Variants in EVC2 observed in about 807,000 individuals in gnomAD.
EVC2 encodes the protein limbin.
A neutral mutation model predicts 149.3 loss-of-function variants in EVC2; 148 were observed. That is an observed-to-expected ratio of 0.99 (90% CI 0.87 to 1.14). The LOEUF (loss-of-function observed/expected upper bound fraction) is 1.14, where lower values mean the gene tolerates loss of function less well. Ranked by LOEUF, EVC2 falls within the 50% of genes most tolerant of loss-of-function variation. EVC2 has a pLI of 0.00. For synonymous variants in EVC2, 776 were observed against 649.9 expected, an observed-to-expected ratio of 1.19 and a Z score of -2.95; for missense variants, 1,854 against 1,627.3, an observed-to-expected ratio of 1.14 and a Z score of -2.40.
chr4:5,664,955 G>A (rs1339868227), intron 8 of EVC2, among the ~76,000 whole-genome samples: 1 of 149,650 alleles, frequency 6.7e-6, no homozygotes. Context: ...TGGGGTGTGT[G>A]TGGGTGATGG....
intron 19 of EVC2, among the ~76,000 whole-genome samples, chr4:5,570,685 A>G (rs1722589266): frequency 6.6e-6 from 1 of 152,230 alleles, no homozygotes; most frequent in Non-Finnish European, 1.5e-5. Flanking sequence ...TGAAAAAGAC[A>G]CATGGACATG....
chr4:5,603,055 A>T (rs574827345), intron 16 of EVC2, among the ~76,000 whole-genome samples: 1 of 152,306 alleles, frequency 6.6e-6, no homozygotes, highest in Non-Finnish European at 1.5e-5. Context: ...GTTTGATAAA[A>T]ATGAAAAGTA....
the EVC2 span, among the ~76,000 whole-genome samples, chr4:5,532,281 G>C: frequency 6.6e-6 from 1 of 152,198 alleles, no homozygotes; most frequent in East Asian, 1.9e-4. Context: ...TTTTTCTGCT[G>C]TTCAGGCTTT....
chr4:5,630,176 C>T (rs1716428201), intron 11 of EVC2, among the ~76,000 whole-genome samples: 2 of 152,184 alleles, frequency 1.3e-5, no homozygotes, highest in South Asian at 2.1e-4. Flanking sequence ...GGAGCTCGTT[C>T]TCTGTCCTGG....
In EVC2 at chr4:5,622,316, A is replaced by G. The variant is rs1019715511; in HGVS notation, c.2501+221T>C. 5.3e-5 allele frequency among the ~76,000 whole-genome samples: 8 copies of G among 151,826 alleles called. No individual in the cohort carries two copies. Among genetic ancestry groups the G allele is most frequent in the Non-Finnish European group, 1.2e-4 (8 of 67,928 alleles). On this transcript the variant is annotated intron_variant, in intron 14 of 21. Coordinates refer to ENST00000344408, the MANE Select transcript of EVC2 (RefSeq NM_147127.5). The surrounding 1 kb of genome is among the most constrained non-coding windows in gnomAD (Gnocchi z 5.8). ...CCATCCTCTTGTTACTACAAACCCT[A>G]TGGCCCTGGTTCTGCACTCTGCTCA...
At chr4:5,606,954 G>T (rs1001803564) in intron 16 of EVC2, among the ~76,000 whole-genome samples, 1 of 152,204 alleles carries the variant, frequency 6.6e-6, no homozygotes, top group Non-Finnish European at 1.5e-5. Flanking sequence ...AGACTCTGGA[G>T]CCAGCAGTCT....
intron 16 of EVC2, among the ~76,000 whole-genome samples, chr4:5,588,168 G>A (rs1027801086): frequency 6.6e-6 from 1 of 152,178 alleles, no homozygotes; most frequent in Non-Finnish European, 1.5e-5. Flanking sequence ...TCTGAATAAA[G>A]AATTTTAGGT....
chr4:5,591,726 G>A (rs547720803), intron 16 of EVC2, among the ~76,000 whole-genome samples: 1 of 152,180 alleles, frequency 6.6e-6, no homozygotes, highest in South Asian at 2.1e-4. Context: ...AGCACCATGA[G>A]AATGTGTCTC....
chr4:5,584,565 G>C (rs1275884688), intron 17 of EVC2, 58 bp downstream of exon 17: 1 of 1,527,814 alleles, frequency 6.5e-7, no homozygotes, highest in Admixed American at 1.8e-5. Flanking sequence ...AAGATGCAGA[G>C]GTAGGTACCA....
At chr4:5,694,606 G>A (rs1258528787) in intron 2 of EVC2, 105 bp from the exon 3 acceptor site, 13 of 1,312,176 alleles carry the variant, frequency 9.9e-6, no homozygotes, top group Non-Finnish European at 1.3e-5. Context: ...GTACTTAGAA[G>A]ACGTTTGTTG....
At chr4:5,682,650 G>T (rs186235180) in intron 6 of EVC2, among the ~76,000 whole-genome samples, 1 of 151,692 alleles carries the variant, frequency 6.6e-6, no homozygotes, top group African/African-American at 2.4e-5. Flanking sequence ...CCTGAGGTCA[G>T]GAGCTTGAGA....
At chr4:5,551,328 C>T (rs907186996) in intron 21 of EVC2, among the ~76,000 whole-genome samples, 1 of 152,192 alleles carries the variant, frequency 6.6e-6, no homozygotes. Flanking sequence ...GAACTCACCT[C>T]TTGCAACAGC....
rs957517403 is a variant in EVC2, at chr4:5,576,585, G to A, written c.3058-131C>T. 2 of 1,484,970 alleles carry A rather than the reference G, an allele frequency of 1.3e-6. No homozygotes were observed. The highest frequency in any genetic ancestry group is 1.8e-6 in the Non-Finnish European group (2 of 1,104,134). 92.0% of individuals were successfully genotyped at this position (1,484,970 alleles called of 1,614,324 possible). On this transcript the variant is annotated intron_variant, in intron 17 of 21. Coordinates refer to ENST00000344408, the MANE Select transcript of EVC2 (RefSeq NM_147127.5). The surrounding 1 kb of genome is among the most constrained non-coding windows in gnomAD (Gnocchi z 4.5). ...GTCTTGCCTGGTTCCCCATCCAGCT[G>A]TGCCACATGGTGCAATGTGAGTGCA...
chr4:5,624,274 A>G (rs918284907), intron 13 of EVC2, among the ~76,000 whole-genome samples: 1 of 152,206 alleles, frequency 6.6e-6, no homozygotes, highest in Admixed American at 6.5e-5. Context: ...ATTTGGAGAG[A>G]ACATAAGATG....
intron 9 of EVC2, among the ~76,000 whole-genome samples, chr4:5,660,341 C>T (rs907525079): frequency 1.3e-5 from 2 of 152,196 alleles, no homozygotes; most frequent in Non-Finnish European, 2.9e-5. Flanking sequence ...AGAGGAGAGT[C>T]CCTTTCTTCT....
chr4:5,672,678 C>A (rs1228210721), intron 7 of EVC2, among the ~76,000 whole-genome samples: 1 of 152,128 alleles, frequency 6.6e-6, no homozygotes, highest in Non-Finnish European at 1.5e-5. Context: ...CAAGCATATA[C>A]CCCAAATAAT....
intron 7 of EVC2, among the ~76,000 whole-genome samples, chr4:5,674,539 C>T (rs1258381293): frequency 2.0e-5 from 3 of 152,134 alleles, no homozygotes; most frequent in African/African-American, 4.8e-5. Context: ...TGATCCAATG[C>T]ATAGGACCCC....
downstream of EVC2, among the ~76,000 whole-genome samples, chr4:5,539,679 G>A (rs1360689589): frequency 6.6e-6 from 1 of 151,904 alleles, no homozygotes. Flanking sequence ...TCAATTCCAT[G>A]GAAAAAACAG....
rs2151724203 is a variant in EVC2 at position 5,681,351 on chromosome 4, T to G, written c.817-38A>C. The G allele has an allele frequency of 3.7e-6, 6 of 1,610,972 alleles. No homozygotes were observed. The East Asian group carries it at 1.3e-4, about 36-fold the overall frequency. On this transcript the variant is annotated intron_variant, in intron 6 of 21. Coordinates refer to ENST00000344408, the MANE Select transcript of EVC2 (RefSeq NM_147127.5). ...AAAAGAAAACACTTTCAGCAACAGT[T>G]TGGGGTCTGACACGTGGGATAACAT... is the stretch of plus-strand genomic sequence containing the variant.
Sources: allele counts gnomAD v4.1 joint callset (sites outside exome capture counted in the v4.1 genomes callset), GRCh38; gene constraint gnomAD v4.1.1; non-coding constraint Gnocchi (gnomAD v3.1); transcripts MANE v1.5; gene names NCBI Gene and HGNC (gene_info 2026-07-23, HGNC 2026-07-21).